FOLH1: variants seen among roughly 807,000 people sequenced by gnomAD.
FOLH1 encodes folate hydrolase 1.
Under a neutral mutation model 93.9 loss-of-function variants are expected in FOLH1, and 54 were observed. The observed-to-expected ratio is 0.57, with a 90% confidence interval of 0.46 to 0.72. The LOEUF is 0.72. Among genes scored for constraint, FOLH1 ranks in the 30% least tolerant of loss-of-function variants. FOLH1 has a pLI of 0.00. For synonymous variants in FOLH1, 249 were observed against 303.6 expected (o/e 0.82, Z 1.87); for missense variants, 571 against 892.5 (o/e 0.64, Z 4.59).
At chr11:49,208,239 C>A in intron 1 of FOLH1, 53 bp downstream of exon 1, 1 of 1,308,304 alleles carries the variant, frequency 7.6e-7, no homozygotes, top group Non-Finnish European at 1.0e-6. Context: ...AGTCCCAGCA[C>A]CGCGGCACCA....
chr11:49,187,922 TC>T (rs1455660225), intron 4 of FOLH1, among the ~76,000 whole-genome samples: 1 of 152,190 alleles, frequency 6.6e-6, no homozygotes, highest in Non-Finnish European at 1.5e-5. Context: ...GAGAAACTAT[TC>T]CAGACCTCCT....
intron 4 of FOLH1, among the ~76,000 whole-genome samples, chr11:49,187,673 T>C (rs1328439987): frequency 6.6e-6 from 1 of 152,240 alleles, no homozygotes; most frequent in African/African-American, 2.4e-5. Context: ...TAAAATATAT[T>C]TGTGCTGGGC....
Position 49,145,177 on chromosome 11 carries a change from C to T in FOLH1, c.*1579G>A, listed in dbSNP as rs546374076. On this transcript the variant is annotated 3_prime_UTR_variant, in exon 19 of 19. Coordinates refer to ENST00000256999, the MANE Select transcript of FOLH1 (RefSeq NM_004476.3). ...CTCCAAACTCCCACTTGATTGTCTT[C>T]ATAAATAGATCTGGGCCCATTAAAT... Among the ~76,000 whole-genome samples, 6 of 152,284 alleles carry T rather than the reference C, an allele frequency of 3.9e-5. No individual in the cohort carries two copies. In the East Asian group the frequency reaches 9.7e-4, roughly 24 times the overall value.
At chr11:49,183,691 G>C (rs180810670) in intron 6 of FOLH1, among the ~76,000 whole-genome samples, 12 of 151,908 alleles carry the variant, frequency 7.9e-5, no homozygotes, top group African/African-American at 2.7e-4. Flanking sequence ...ATCATCAAAA[G>C]AAAAAAACTA....
At chr11:49,169,435 T>C (rs552628726) in intron 11 of FOLH1, among the ~76,000 whole-genome samples, 177 bp from the exon 12 acceptor site, 1 of 152,220 alleles carries the variant, frequency 6.6e-6, no homozygotes, top group East Asian at 1.9e-4. Context: ...CAATAAAGAT[T>C]ACTCGTAGGA....
intron 8 of FOLH1, 149 bp downstream of exon 8, chr11:49,175,710 T>G: frequency 4.6e-6 from 3 of 648,988 alleles, no homozygotes; most frequent in Non-Finnish European, 7.7e-6. Flanking sequence ...GATTTCTAAT[T>G]GTTCACAGGC....
chr11:49,186,626 A>T lies in FOLH1; in HGVS notation c.639+18T>A, dbSNP rs141677791. 1.1e-3 allele frequency: 1,724 copies of T among 1,606,532 alleles called. 19 individuals carry two copies. In the African/African-American group the frequency reaches 0.021, roughly 20 times the overall value. On this transcript the variant is annotated intron_variant, in intron 5 of 18. Transcript: ENST00000256999. ...TTTACATTGGGGGAGAGAAAAAAAG[A>T]GATAATTTTTACCTTACCTTATTTC...
intron 4 of FOLH1, among the ~76,000 whole-genome samples, chr11:49,190,132 A>G (rs1861862012): frequency 6.6e-6 from 1 of 152,238 alleles, no homozygotes; most frequent in Non-Finnish European, 1.5e-5. Context: ...TAGTGTAAAT[A>G]TCCTACTTTC....
At chr11:49,167,290 C>T (rs1476811788) in intron 12 of FOLH1, among the ~76,000 whole-genome samples, 2 of 152,022 alleles carry the variant, frequency 1.3e-5, no homozygotes, top group Non-Finnish European at 2.9e-5. Context: ...CTTACAGGAG[C>T]CTTTGAGATA....
chr11:49,195,228 A>G (rs1273371096), intron 3 of FOLH1, among the ~76,000 whole-genome samples: 3 of 152,230 alleles, frequency 2.0e-5, no homozygotes, highest in Non-Finnish European at 4.4e-5. Context: ...TCTGATCTCA[A>G]TATATTCAAT....
chr11:49,147,002 A>G, intron 18 of FOLH1, 57 bp from the exon 19 acceptor site: 9 of 1,552,882 alleles, frequency 5.8e-6, no homozygotes, highest in Non-Finnish European at 7.8e-6. Flanking sequence ...CAAGAGAAAC[A>G]CAAGAGCACT....
chr11:49,166,695 T>A (rs563298182), intron 12 of FOLH1, among the ~76,000 whole-genome samples: 1 of 152,188 alleles, frequency 6.6e-6, no homozygotes, highest in Non-Finnish European at 1.5e-5. Context: ...TTATTTGTAT[T>A]ATTTGAGAAA....
intron 3 of FOLH1, among the ~76,000 whole-genome samples, chr11:49,196,045 T>G (rs572594154): frequency 6.6e-6 from 1 of 152,140 alleles, no homozygotes; most frequent in African/African-American, 2.4e-5. Context: ...TCCCAGCTAC[T>G]TGGGAGGCTG....
chr11:49,180,103 T>C (rs980986062), intron 7 of FOLH1, among the ~76,000 whole-genome samples: 1 of 152,216 alleles, frequency 6.6e-6, no homozygotes, highest in Admixed American at 6.5e-5. Context: ...AAAGTGTCTT[T>C]TGCATCAGAC....
At chr11:49,183,649 CG>C (rs1861043968) in intron 6 of FOLH1, among the ~76,000 whole-genome samples, 2 of 152,046 alleles carry the variant, frequency 1.3e-5, no homozygotes, top group Non-Finnish European at 2.9e-5. Flanking sequence ...ATAAACAATC[CG>C]TAGTATAATC....
At chr11:49,170,465 A>T (rs1859123497) in intron 11 of FOLH1, among the ~76,000 whole-genome samples, 1 of 152,156 alleles carries the variant, frequency 6.6e-6, no homozygotes, top group Non-Finnish European at 1.5e-5. Context: ...ACATAAAAAA[A>T]TTAGCCAGGT....
chr11:49,179,444 C>T (rs1013936564), intron 7 of FOLH1, among the ~76,000 whole-genome samples: 3 of 152,064 alleles, frequency 2.0e-5, no homozygotes, highest in African/African-American at 7.2e-5. Flanking sequence ...CAATCAATAA[C>T]AAAAGTAAAT....
In FOLH1 at chr11:49,208,273, C is replaced by A; in HGVS notation, c.118+19G>T. Reference sequence around the variant, plus strand: ...CACGGGGAAGACTCCGAGGTTTGCTCCGCGAGGCGCCCCCCTACCGAAGAG... The same window carrying A: ...CACGGGGAAGACTCCGAGGTTTGCTACGCGAGGCGCCCCCCTACCGAAGAG... On this transcript the variant is annotated intron_variant, in intron 1 of 18. Transcript: ENST00000256999. 1 of 1,507,304 alleles carries A rather than the reference C, an allele frequency of 6.6e-7. No homozygotes were observed. Among genetic ancestry groups the A allele is most frequent in the Non-Finnish European group, 9.0e-7 (1 of 1,116,174 alleles). 93.4% of individuals were successfully genotyped at this position (1,507,304 alleles called of 1,614,324 possible).
At chr11:49,148,935 T>G (rs1325301702) in intron 17 of FOLH1, among the ~76,000 whole-genome samples, 1 of 152,182 alleles carries the variant, frequency 6.6e-6, no homozygotes, top group Admixed American at 6.6e-5. Context: ...GTGGAATTTT[T>G]TTTTATTATT....
Sources: allele counts gnomAD v4.1 joint callset (sites outside exome capture counted in the v4.1 genomes callset), GRCh38; gene constraint gnomAD v4.1.1; transcripts MANE v1.5; gene names NCBI Gene and HGNC (gene_info 2026-07-23, HGNC 2026-07-21).